The following PRSS38 variants were observed in gnomAD, a reference collection of about 807,000 sequenced individuals.
PRSS38 encodes the protein serine protease 38.
In PRSS38, 22 loss-of-function variants were observed where a neutral mutation model predicts 26.8. That is an observed-to-expected ratio of 0.82 (90% CI 0.59 to 1.17). PRSS38 has a LOEUF of 1.17. PRSS38 is among the 50% of genes most tolerant of loss of function. The pLI, the probability that PRSS38 is intolerant of heterozygous loss-of-function variation, is 0.00. For synonymous variants in PRSS38, 175 were observed against 172.1 expected, an observed-to-expected ratio of 1.02 and a Z score of -0.13; for missense variants, 427 against 422.7, an observed-to-expected ratio of 1.01 and a Z score of -0.09.
At chr1:227,841,411 G>C (rs1352666374) in intron 3 of PRSS38, among the ~76,000 whole-genome samples, 1 of 152,260 alleles carries the variant, frequency 6.6e-6, no homozygotes, top group Non-Finnish European at 1.5e-5. Flanking sequence ...ACCTCGATGA[G>C]AGGAACCGCA....
intron 3 of PRSS38, among the ~76,000 whole-genome samples, chr1:227,818,738 A>G (rs1409040956): frequency 7.0e-6 from 1 of 143,216 alleles, no homozygotes; most frequent in East Asian, 2.1e-4. Context: ...TTTTTTTCTT[A>G]GCTGATTTTA....
intron 3 of PRSS38, among the ~76,000 whole-genome samples, chr1:227,842,023 C>T (rs1472721997): frequency 6.6e-6 from 1 of 152,126 alleles, no homozygotes; most frequent in Non-Finnish European, 1.5e-5. Context: ...ACAACCAGCT[C>T]TCTCTGTTGG....
intron 3 of PRSS38, among the ~76,000 whole-genome samples, chr1:227,836,790 T>C (rs1174025662): frequency 6.6e-6 from 1 of 152,218 alleles, no homozygotes; most frequent in Non-Finnish European, 1.5e-5. Flanking sequence ...ACATTTTTAT[T>C]TGAGACATTG....
chr1:227,834,895 A>T (rs114027369), intron 3 of PRSS38, among the ~76,000 whole-genome samples: 2,623 of 152,330 alleles, frequency 0.017, 41 homozygotes, highest in Non-Finnish European at 0.024. Context: ...AGACAATACC[A>T]AGAAAGTGAT....
chr1:227,842,539 C>G (rs962022187), intron 3 of PRSS38, among the ~76,000 whole-genome samples: 1 of 152,068 alleles, frequency 6.6e-6, no homozygotes, highest in African/African-American at 2.4e-5. Flanking sequence ...CTTTTGTGGC[C>G]CTGCCCCATC....
intron 3 of PRSS38, among the ~76,000 whole-genome samples, chr1:227,823,568 A>C (rs1384684673): frequency 6.6e-6 from 1 of 152,100 alleles, no homozygotes. Context: ...ATAGGGGTGG[A>C]TTCCTCATGA....
intron 3 of PRSS38, among the ~76,000 whole-genome samples, chr1:227,842,616 G>A (rs986206313): frequency 1.3e-5 from 2 of 148,852 alleles, no homozygotes; most frequent in African/African-American, 5.0e-5. Context: ...TTTCACTCTT[G>A]TTGCTCAGGC....
chr1:227,845,364 G>T, intron 3 of PRSS38, 106 bp from the exon 4 acceptor site: 2 of 733,572 alleles, frequency 2.7e-6, no homozygotes, highest in East Asian at 5.4e-5. Flanking sequence ...ACGTATAGTG[G>T]GGCTCCTCTC....
At chr1:227,843,979 C>A (rs550117342) in intron 3 of PRSS38, among the ~76,000 whole-genome samples, 1 of 152,250 alleles carries the variant, frequency 6.6e-6, no homozygotes, top group African/African-American at 2.4e-5. Flanking sequence ...CAGAGTGAGA[C>A]CCTGTCTCAA....
rs773761587 is a variant in PRSS38 at position 227,816,077 on chromosome 1, G to A, written c.149-13G>A. On this transcript the variant is annotated splice_polypyrimidine_tract_variant and intron_variant, in intron 1 of 4. Transcript: ENST00000366757. The surrounding 1 kb of genome is among the most constrained non-coding windows in gnomAD (Gnocchi z 5.1). ...CCAGCATGGCTCCACCGTCAGCTCC[G>A]TTCTCCCTGCAGCCTGTGGTCGGCC... 2.1e-5 allele frequency: 33 copies of A among 1,604,892 alleles called. No homozygotes were observed. Among genetic ancestry groups the A allele is most frequent in the Non-Finnish European group, 2.6e-5 (31 of 1,174,884 alleles).
intron 3 of PRSS38, among the ~76,000 whole-genome samples, chr1:227,842,638 G>A (rs1040984005): frequency 4.0e-5 from 6 of 151,212 alleles, no homozygotes; most frequent in African/African-American, 1.5e-4. Flanking sequence ...GGAGTGCAAT[G>A]GCGTGATCTC....
intron 3 of PRSS38, among the ~76,000 whole-genome samples, chr1:227,840,597 G>A (rs1464189620): frequency 2.0e-5 from 3 of 152,170 alleles, no homozygotes; most frequent in African/African-American, 7.2e-5. Context: ...GAGTGGAGCA[G>A]TGGCTGCAGA....
At chr1:227,819,823 G>A (rs774688957) in intron 3 of PRSS38, among the ~76,000 whole-genome samples, 2 of 152,164 alleles carry the variant, frequency 1.3e-5, no homozygotes, top group Non-Finnish European at 2.9e-5. Flanking sequence ...GGGTGCAGTG[G>A]CTCACGCCTG....
At chr1:227,818,560 C>A (rs1053802386) in intron 3 of PRSS38, among the ~76,000 whole-genome samples, 1 of 151,510 alleles carries the variant, frequency 6.6e-6, no homozygotes, top group Non-Finnish European at 1.5e-5. Flanking sequence ...TGCCTGTAGT[C>A]CCAGCTACTC....
In PRSS38 at chr1:227,816,344, A is replaced by G. The variant is rs2102670631; in HGVS notation, c.311+92A>G. On this transcript the variant is annotated intron_variant, in intron 2 of 4. Transcript: ENST00000366757. The surrounding 1 kb of genome is among the most constrained non-coding windows in gnomAD (Gnocchi z 5.1). ...GATGGACCCCACGCAAGCCTCCCCC[A>G]TCACCATTGTCGACTCCCTTCACCA... 1 of 1,364,966 alleles carries G rather than the reference A, an allele frequency of 7.3e-7. No homozygotes were observed. Among genetic ancestry groups the G allele is most frequent in the Non-Finnish European group, 1.0e-6 (1 of 990,394 alleles). The allele number at this position is 1,364,966 out of a possible 1,614,324, so 84.6% of individuals were successfully genotyped here.
intron 3 of PRSS38, among the ~76,000 whole-genome samples, chr1:227,837,998 C>G (rs1262585310): frequency 6.6e-6 from 1 of 152,150 alleles, no homozygotes; most frequent in Admixed American, 6.5e-5. Flanking sequence ...TCAAGCGTTC[C>G]TCCCACCTCA....
intron 3 of PRSS38, among the ~76,000 whole-genome samples, chr1:227,835,144 G>A (rs371432569): frequency 2.6e-5 from 4 of 152,218 alleles, no homozygotes; most frequent in African/African-American, 9.6e-5. Flanking sequence ...TTCATCCCTC[G>A]CCAAAATGGC....
intron 3 of PRSS38, 65 bp from the exon 4 acceptor site, chr1:227,845,405 G>A (rs570235759): frequency 5.9e-6 from 7 of 1,191,950 alleles, no homozygotes; most frequent in Non-Finnish European, 7.2e-6. Flanking sequence ...TCCACTGTGG[G>A]GCAGGGATCC....
chr1:227,822,060 A>T (rs992339074), intron 3 of PRSS38, among the ~76,000 whole-genome samples: 6 of 151,824 alleles, frequency 4.0e-5, no homozygotes, highest in African/African-American at 1.5e-4. Context: ...TATAATCTGA[A>T]TTGTCCCATC....
Sources: allele counts gnomAD v4.1 joint callset (sites outside exome capture counted in the v4.1 genomes callset), GRCh38; gene constraint gnomAD v4.1.1; non-coding constraint Gnocchi (gnomAD v3.1); transcripts MANE v1.5; gene names NCBI Gene and HGNC (gene_info 2026-07-23, HGNC 2026-07-21).